The following GGTA1 variants were observed in gnomAD, a reference collection of about 807,000 sequenced individuals.
GGTA1 encodes the protein inactive N-acetyllactosaminide alpha-1,3-galactosyltransferase.
GGTA1 carries 5 observed loss-of-function variants against 2.6 expected under a neutral mutation model. The observed-to-expected ratio is 1.92, with a 90% CI of 1.00 to 4.04. GGTA1 has a LOEUF of 4.04. Among genes scored for constraint, GGTA1 ranks in the 30% most tolerant of loss-of-function variants. The pLI is 0.00. For synonymous variants in GGTA1, 17 were observed against 5.0 expected, an observed-to-expected ratio of 3.38 and a Z score of -3.19; for missense variants, 50 against 16.7, an observed-to-expected ratio of 2.99 and a Z score of -3.47.
intron 5 of GGTA1, among the ~76,000 whole-genome samples, chr9:121,456,706 A>T (rs1459949405): frequency 6.6e-6 from 1 of 151,952 alleles, no homozygotes; most frequent in Non-Finnish European, 1.5e-5. Context: ...GTGAGCTACC[A>T]TGCCCAGCCG....
chr9:121,448,387 T>C (rs2064862218), intron 7 of GGTA1, among the ~76,000 whole-genome samples: 1 of 152,196 alleles, frequency 6.6e-6, no homozygotes, highest in Non-Finnish European at 1.5e-5. Flanking sequence ...AGTTATGAGA[T>C]CTAGATCTGC....
exon 8 of GGTA1, chr9:121,446,406 T>C (rs538393881): frequency 2.6e-5 from 4 of 152,262 alleles, no homozygotes; most frequent in Non-Finnish European, 5.9e-5. Flanking sequence ...GGACTACAGA[T>C]GGTCTGAAGC....
intron 1 of GGTA1, among the ~76,000 whole-genome samples, chr9:121,474,748 A>T (rs1425131213): frequency 6.6e-6 from 1 of 152,126 alleles, no homozygotes; most frequent in Non-Finnish European, 1.5e-5. Flanking sequence ...AATGCCATGC[A>T]CTCAGATGCC....
intron 1 of GGTA1, among the ~76,000 whole-genome samples, chr9:121,496,757 A>AAAAAAAAAAAAAAGAGAGAG (rs1554838784): frequency 8.9e-6 from 1 of 111,918 alleles, no homozygotes; most frequent in Non-Finnish European, 2.1e-5. Flanking sequence ...AAAAAAAAAA[A>AAAAAAAAAAAAAAGAGAGAG]AGAGAGAGAG....
At chr9:121,494,342 A>T (rs1828943071) in intron 1 of GGTA1, among the ~76,000 whole-genome samples, 1 of 152,194 alleles carries the variant, frequency 6.6e-6, no homozygotes, top group African/African-American at 2.4e-5. Context: ...ATGGCTGCTA[A>T]AGCCCAAGCC....
At chr9:121,475,196 A>G (rs571401281) in intron 1 of GGTA1, among the ~76,000 whole-genome samples, 1 of 152,312 alleles carries the variant, frequency 6.6e-6, no homozygotes, top group South Asian at 2.1e-4. Flanking sequence ...CAAGATGGCG[A>G]TGAGAGTGAC....
chr9:121,458,007 T>C (rs995233009), intron 5 of GGTA1, among the ~76,000 whole-genome samples: 1 of 150,724 alleles, frequency 6.6e-6, no homozygotes, highest in African/African-American at 2.4e-5. Flanking sequence ...CCTCCTGGGT[T>C]CAAGCAATTC....
intron 1 of GGTA1, among the ~76,000 whole-genome samples, chr9:121,480,741 C>A (rs1828625781): frequency 6.6e-6 from 1 of 152,208 alleles, no homozygotes; most frequent in Non-Finnish European, 1.5e-5. Context: ...TTGCTTAAAT[C>A]CTTCCTGTGG....
At chr9:121,498,862 C>A (rs1358854854) in intron 1 of GGTA1, among the ~76,000 whole-genome samples, 1 of 151,604 alleles carries the variant, frequency 6.6e-6, no homozygotes, top group East Asian at 1.9e-4. Flanking sequence ...TGGCTCTTTG[C>A]GCGCTGACAT....
intron 1 of GGTA1, among the ~76,000 whole-genome samples, chr9:121,482,237 G>A (rs1828668815): frequency 1.3e-5 from 2 of 152,212 alleles, no homozygotes; most frequent in Middle Eastern, 3.4e-3. Flanking sequence ...GGAGGCTGAG[G>A]CAGAAGGATC....
intron 2 of GGTA1, among the ~76,000 whole-genome samples, chr9:121,467,287 A>C (rs901009633): frequency 6.6e-6 from 1 of 152,122 alleles, no homozygotes; most frequent in Non-Finnish European, 1.5e-5. Flanking sequence ...AAACTTAGAA[A>C]TGCTTAATTC....
downstream of GGTA1, among the ~76,000 whole-genome samples, chr9:121,450,461 C>A (rs933315112): frequency 2.0e-5 from 3 of 152,198 alleles, no homozygotes; most frequent in Non-Finnish European, 2.9e-5. Context: ...TCCTAAAAGT[C>A]CAAATCCACT....
chr9:121,489,372 A>T (rs1283415928), intron 1 of GGTA1, among the ~76,000 whole-genome samples: 4 of 151,612 alleles, frequency 2.6e-5, no homozygotes, highest in Non-Finnish European at 5.9e-5. Context: ...CTAATCCTTT[A>T]TTTTCTTTAG....
intron 1 of GGTA1, among the ~76,000 whole-genome samples, chr9:121,473,956 A>AGAGAGAGG (rs1554837317): frequency 3.0e-5 from 4 of 133,258 alleles, no homozygotes; most frequent in Admixed American, 7.5e-5. Context: ...AGAGAGAGAG[A>AGAGAGAGG]GAGGGAGGGA....
At position 121,472,707 on chromosome 9, in the gene GGTA1, G is replaced by A. The variant is rs1828417724; in HGVS notation, c.-9-4776C>T. Among the ~76,000 whole-genome samples, 6 of 152,264 alleles carry A rather than the reference G, an allele frequency of 3.9e-5. No individual in the cohort carries two copies. In the South Asian group the frequency reaches 8.3e-4, roughly 21 times the overall value. On this transcript the variant is annotated intron_variant, in intron 1 of 5. Transcript: ENST00000481799. Reference sequence around the variant, plus strand: ...CAGGCGCTGCTACAACCCCCTATGTGTGCCGAGGAGGCAACAGAGAGGCTG... The same window carrying A: ...CAGGCGCTGCTACAACCCCCTATGTATGCCGAGGAGGCAACAGAGAGGCTG...
chr9:121,446,130 C>T (rs1285636425), exon 8 of GGTA1: 1 of 152,262 alleles, frequency 6.6e-6, no homozygotes, highest in Non-Finnish European at 1.5e-5. Context: ...CATTCAGTAC[C>T]TGGATCTGTG....
At chr9:121,471,931 C>A (rs151215995) in intron 1 of GGTA1, among the ~76,000 whole-genome samples, 2 of 152,314 alleles carry the variant, frequency 1.3e-5, no homozygotes, top group South Asian at 4.1e-4. Context: ...CCTCTCTGTG[C>A]CGATGTCCTC....
chr9:121,457,566 T>A (rs1189058781), intron 5 of GGTA1, among the ~76,000 whole-genome samples: 1 of 151,702 alleles, frequency 6.6e-6, no homozygotes, highest in Non-Finnish European at 1.5e-5. Flanking sequence ...CCGGGTGCAG[T>A]GGCGGGCGCC....
At position 121,455,730 on chromosome 9, in the gene GGTA1, A is replaced by T. The variant is rs192423701; in HGVS notation, c.*107T>A. On this transcript the variant is annotated 3_prime_UTR_variant, in exon 6 of 6. Transcript: ENST00000481799. ...CCCTTGAGAATCTCGCAGTCCCAAC[A>T]GGTGGTCCGCCTGTTACACACTCCT... The T allele has an allele frequency of 3.4e-4, 132 of 392,388 alleles. No individual in the cohort carries two copies. The highest frequency in any genetic ancestry group is 2.6e-3 in the African/African-American group (126 of 47,894). 24.3% of individuals were successfully genotyped at this position (392,388 alleles called of 1,614,324 possible).
Sources: gnomAD v4.1 joint callset for allele counts (sites outside exome capture counted in the v4.1 genomes callset) on GRCh38, gnomAD v4.1.1 for gene constraint, MANE v1.5 for transcripts, NCBI Gene and HGNC (gene_info 2026-07-23, HGNC 2026-07-21) for gene names.